The following SNX29 variants were observed in gnomAD, a reference collection of about 807,000 sequenced individuals.
SNX29 encodes the protein sorting nexin 29.
A neutral mutation model predicts 102.1 loss-of-function variants in SNX29; 78 were observed. The ratio of observed to expected loss-of-function variants is 0.76; its 90% CI spans 0.64 to 0.92. The LOEUF (loss-of-function observed/expected upper bound fraction) is 0.92, where lower values mean the gene tolerates loss of function less well. SNX29 is among the 40% of genes least tolerant of loss of function. The pLI, the probability that SNX29 is intolerant of heterozygous loss-of-function variation, is 0.00. For missense variants in SNX29, 1,280 were observed against 1,061.7 expected (o/e 1.21, Z -2.86); for synonymous variants, 580 against 414.5 (o/e 1.40, Z -4.85).
At chr16:12,088,300 G>A (rs1456639113) in intron 11 of SNX29, 6 of 359,438 alleles carry the variant, frequency 1.7e-5, no homozygotes, top group Non-Finnish European at 2.8e-5. Context: ...TTGGGTGGGT[G>A]TTTTCATGTT....
At chr16:12,544,972 G>C (rs913897664) in intron 20 of SNX29, among the ~76,000 whole-genome samples, 1 of 152,212 alleles carries the variant, frequency 6.6e-6, no homozygotes, top group South Asian at 2.1e-4. Flanking sequence ...GGCTCAGAGA[G>C]ATTGAGTAAC....
intron 16 of SNX29, among the ~76,000 whole-genome samples, chr16:12,364,991 A>C (rs1258941424): frequency 6.6e-6 from 1 of 152,064 alleles, no homozygotes; most frequent in Non-Finnish European, 1.5e-5. Context: ...CCCTCTAGGC[A>C]GTCCTTATAA....
At chr16:12,240,623 G>GTCTCGC (rs1596600782) in intron 14 of SNX29, among the ~76,000 whole-genome samples, 1 of 117,986 alleles carries the variant, frequency 8.5e-6, no homozygotes, top group Non-Finnish European at 1.6e-5. Flanking sequence ...GTGAGACGGA[G>GTCTCGC]TCTCGCTCTG....
At chr16:12,555,419 T>G (rs1336896767) in intron 20 of SNX29, among the ~76,000 whole-genome samples, 1 of 152,056 alleles carries the variant, frequency 6.6e-6, no homozygotes, top group African/African-American at 2.4e-5. Context: ...GCCCCTCAGG[T>G]TGCTTTGTAG....
At chr16:12,282,743 C>A (rs1001816322) in intron 15 of SNX29, among the ~76,000 whole-genome samples, 3 of 152,182 alleles carry the variant, frequency 2.0e-5, no homozygotes, top group Non-Finnish European at 4.4e-5. Flanking sequence ...GCAACCTCCC[C>A]CTCCCAGGTT....
chr16:12,103,254 C>G lies in SNX29; in HGVS notation c.1403-23379C>G, dbSNP rs140888909. Among the ~76,000 whole-genome samples the G allele has an allele frequency of 6.5e-3, 990 of 152,276 alleles. 18 individuals carry two copies. The highest frequency in any genetic ancestry group is 0.023 in the African/African-American group (950 of 41,546). ...AAGAGCCCATATAGCCAAGCTAATC[C>G]TAAGCAAAAAGAACAAAGCTGGAGG... On this transcript the variant is annotated intron_variant, in intron 11 of 20. Transcript: ENST00000566228.
chr16:12,391,806 CT>C (rs1218049051), intron 16 of SNX29, among the ~76,000 whole-genome samples: 3 of 152,218 alleles, frequency 2.0e-5, no homozygotes, highest in African/African-American at 7.2e-5. Flanking sequence ...TCCACTCTCC[CT>C]GAGGTATTCA....
At chr16:12,208,358 T>C (rs1465551812) in intron 14 of SNX29, among the ~76,000 whole-genome samples, 2 of 152,198 alleles carry the variant, frequency 1.3e-5, no homozygotes, top group Non-Finnish European at 2.9e-5. Flanking sequence ...GTCTCCATCT[T>C]CTCACTCATT....
intron 16 of SNX29, chr16:12,376,136 A>G (rs376608147): frequency 6.6e-6 from 1 of 152,012 alleles, no homozygotes; most frequent in African/African-American, 2.4e-5. Flanking sequence ...AGCCACACTC[A>G]GGGGATTACC....
At chr16:12,550,582 G>C (rs182393979) in intron 20 of SNX29, among the ~76,000 whole-genome samples, 3 of 150,724 alleles carry the variant, frequency 2.0e-5, no homozygotes, top group Admixed American at 2.0e-4. Context: ...TACTTCCACC[G>C]GTGCATACAT....
intron 20 of SNX29, among the ~76,000 whole-genome samples, chr16:12,539,285 C>T (rs1434876718): frequency 6.6e-6 from 1 of 152,198 alleles, no homozygotes; most frequent in Admixed American, 6.5e-5. Flanking sequence ...TGCACCCTCC[C>T]CCACCTCTAA....
At chr16:12,369,157 A>G (rs1335157222) in intron 16 of SNX29, among the ~76,000 whole-genome samples, 1 of 149,956 alleles carries the variant, frequency 6.7e-6, no homozygotes, top group Non-Finnish European at 1.5e-5. Context: ...TTTTTTTGAG[A>G]CGGAGTTTTG....
In SNX29 at chr16:12,570,775, T is replaced by G. The variant is rs1017984003; in HGVS notation, c.*2146T>G. ...ACCTTGGACATTCTGCACATGATAA[T>G]AATGCAACAGTCCCCCATTGCTGAG... On this transcript the variant is annotated 3_prime_UTR_variant, in exon 21 of 21. Coordinates refer to ENST00000566228, the MANE Select transcript of SNX29 (RefSeq NM_032167.5). The G allele has an allele frequency of 8.3e-6, 1 of 120,948 alleles. No homozygotes were observed. Among genetic ancestry groups the G allele is most frequent in the Admixed American group, 1.4e-4 (1 of 7,326 alleles). The allele number at this position is 120,948 out of a possible 1,614,324, so 7.5% of individuals were successfully genotyped here.
chr16:12,335,834 G>A (rs923450251), intron 15 of SNX29, among the ~76,000 whole-genome samples: 8 of 152,266 alleles, frequency 5.3e-5, no homozygotes, highest in South Asian at 2.1e-4. Flanking sequence ...TATCCTTCCC[G>A]TTTACTAATG....
intron 13 of SNX29, among the ~76,000 whole-genome samples, chr16:12,197,068 A>G (rs1329055676): frequency 6.6e-6 from 1 of 152,232 alleles, no homozygotes; most frequent in Non-Finnish European, 1.5e-5. Flanking sequence ...CTGGCAGCAA[A>G]TGAGAGGAGA....
At chr16:12,204,464 C>A (rs914086784) in intron 14 of SNX29, among the ~76,000 whole-genome samples, 1 of 152,206 alleles carries the variant, frequency 6.6e-6, no homozygotes, top group African/African-American at 2.4e-5. Flanking sequence ...ACTGGATGCT[C>A]CACTGTCATA....
chr16:12,307,866 G>A (rs139351762), intron 15 of SNX29, among the ~76,000 whole-genome samples: 103 of 152,322 alleles, frequency 6.8e-4, no homozygotes, highest in African/African-American at 2.4e-3. Context: ...CTTCCCCAAT[G>A]ACCCTGACCT....
chr16:12,033,475 C>G (rs2057396838), intron 4 of SNX29, among the ~76,000 whole-genome samples: 1 of 152,144 alleles, frequency 6.6e-6, no homozygotes, highest in African/African-American at 2.4e-5. Flanking sequence ...GTTCTCTTCT[C>G]TTCTGAAGTT....
chr16:12,541,724 T>A (rs1197030723), intron 20 of SNX29, among the ~76,000 whole-genome samples: 1 of 152,086 alleles, frequency 6.6e-6, no homozygotes, highest in Non-Finnish European at 1.5e-5. Context: ...TCCTGTCACC[T>A]CCTGTCTTTT....
Sources: allele counts gnomAD v4.1 joint callset (sites outside exome capture counted in the v4.1 genomes callset), GRCh38; gene constraint gnomAD v4.1.1; transcripts MANE v1.5; gene names NCBI Gene and HGNC (gene_info 2026-07-23, HGNC 2026-07-21).